PPP1R14C: variants seen among roughly 807,000 people sequenced by gnomAD.
The protein encoded by PPP1R14C is protein phosphatase 1 regulatory inhibitor subunit 14C.
A neutral mutation model predicts 20.4 loss-of-function variants in PPP1R14C; 16 were observed. The observed-to-expected ratio is 0.78, with a 90% CI of 0.53 to 1.19. PPP1R14C has a LOEUF of 1.19. Ranked by LOEUF, PPP1R14C falls within the 50% of genes most tolerant of loss-of-function variation. The pLI, the probability that PPP1R14C is intolerant of heterozygous loss-of-function variation, is 0.00. For missense variants in PPP1R14C, 211 were observed against 220.1 expected (o/e 0.96, Z 0.26); for synonymous variants, 91 against 91.0 (o/e 1.00, Z 0.00).
intron 3 of PPP1R14C, among the ~76,000 whole-genome samples, chr6:150,235,517 A>G (rs1340765730): frequency 6.6e-6 from 1 of 152,236 alleles, no homozygotes; most frequent in Non-Finnish European, 1.5e-5. Flanking sequence ...AATGAAGTTG[A>G]TAACTTAAAG....
intron 2 of PPP1R14C, among the ~76,000 whole-genome samples, chr6:150,216,362 G>A (rs1344354413): frequency 6.6e-6 from 1 of 152,142 alleles, no homozygotes; most frequent in Non-Finnish European, 1.5e-5. Flanking sequence ...CGGGTGTGGT[G>A]GTGCACACCT....
intron 3 of PPP1R14C, among the ~76,000 whole-genome samples, chr6:150,226,934 C>T (rs537349592): frequency 7.9e-5 from 12 of 152,266 alleles, no homozygotes; most frequent in Non-Finnish European, 1.6e-4. Context: ...GAGTAGAAAT[C>T]GAGCAGTGTT....
chr6:150,190,490 G>A (rs1224590073), intron 1 of PPP1R14C, among the ~76,000 whole-genome samples: 1 of 149,122 alleles, frequency 6.7e-6, no homozygotes, highest in Non-Finnish European at 1.5e-5. Context: ...GCAGTTGCAT[G>A]ATCTCAGCTC....
chr6:150,213,769 C>A (rs1778056220), intron 1 of PPP1R14C, among the ~76,000 whole-genome samples: 1 of 152,212 alleles, frequency 6.6e-6, no homozygotes, highest in Non-Finnish European at 1.5e-5. Flanking sequence ...TCAGTGGGGT[C>A]TTTCACCAAA....
At chr6:150,231,715 G>A (rs1295831133) in intron 3 of PPP1R14C, among the ~76,000 whole-genome samples, 1 of 152,186 alleles carries the variant, frequency 6.6e-6, no homozygotes, top group Admixed American at 6.5e-5. Flanking sequence ...TGTATGCATT[G>A]TAACTGTGTG....
chr6:150,222,765 C>CTTT (rs4038164), intron 3 of PPP1R14C, among the ~76,000 whole-genome samples: 12,321 of 71,108 alleles, frequency 0.17, 1,687 homozygotes, highest in African/African-American at 0.28. Context: ...TTCAAACTGG[C>CTTT]TTTTTTTTTT....
At chr6:150,174,983 T>G (rs1309815733) in intron 1 of PPP1R14C, among the ~76,000 whole-genome samples, 4 of 147,756 alleles carry the variant, frequency 2.7e-5, no homozygotes, top group Non-Finnish European at 6.0e-5. Context: ...AAAAAAAAAG[T>G]AGTGAAGAGG....
chr6:150,199,536 C>T (rs956947244), intron 1 of PPP1R14C, among the ~76,000 whole-genome samples: 1 of 152,114 alleles, frequency 6.6e-6, no homozygotes, highest in African/African-American at 2.4e-5. Flanking sequence ...CACAATAAAC[C>T]CACCAGCCTC....
chr6:150,154,527 T>C (rs771728087), intron 1 of PPP1R14C, among the ~76,000 whole-genome samples: 9 of 152,248 alleles, frequency 5.9e-5, no homozygotes, highest in Non-Finnish European at 1.0e-4. Flanking sequence ...AACCTTTAGA[T>C]GTTCTATGCT....
chr6:150,145,878 T>G (rs1777174824), intron 1 of PPP1R14C, among the ~76,000 whole-genome samples: 1 of 152,210 alleles, frequency 6.6e-6, no homozygotes, highest in African/African-American at 2.4e-5. Flanking sequence ...CATCTTTAAT[T>G]TCAGAAGAAC....
intron 3 of PPP1R14C, among the ~76,000 whole-genome samples, chr6:150,226,509 G>A (rs532464667): frequency 3.9e-5 from 6 of 152,012 alleles, no homozygotes; most frequent in African/African-American, 1.5e-4. Flanking sequence ...CCAATTTTGG[G>A]ATTACAAAAT....
rs977592260 is a variant in PPP1R14C at position 150,201,342 on chromosome 6, G to A, written c.307-13402G>A. 2.0e-5 allele frequency among the ~76,000 whole-genome samples: 3 copies of A among 152,200 alleles called. No individual in the cohort carries two copies. Among genetic ancestry groups the A allele is most frequent in the Admixed American group, 6.5e-5 (1 of 15,274 alleles). ...CATTCTAAGTTTCCAGGGCTGGGAG[G>A]TTGACCTCATCACAAGTCTGGCGAA... On this transcript the variant is annotated intron_variant, in intron 1 of 3. Coordinates refer to ENST00000361131, the MANE Select transcript of PPP1R14C (RefSeq NM_030949.3). The surrounding 1 kb of genome is among the most constrained non-coding windows in gnomAD (Gnocchi z 4.2).
chr6:150,150,547 A>G (rs533643207), intron 1 of PPP1R14C, among the ~76,000 whole-genome samples: 2 of 152,248 alleles, frequency 1.3e-5, no homozygotes, highest in South Asian at 2.1e-4. Context: ...CTCTGTCAAG[A>G]AGTCTCTTTC....
chr6:150,214,608 C>T, intron 1 of PPP1R14C, 136 bp from the exon 2 acceptor site: 1 of 614,892 alleles, frequency 1.6e-6, no homozygotes, highest in Non-Finnish European at 2.9e-6. Flanking sequence ...TCCCCCTAGC[C>T]TCTCCTTCCC....
chr6:150,242,129 A>ACAAC (rs1554221826), intron 3 of PPP1R14C, among the ~76,000 whole-genome samples: 1 of 151,924 alleles, frequency 6.6e-6, no homozygotes, highest in African/African-American at 2.4e-5. Flanking sequence ...AAACAAAACA[A>ACAAC]AACAACAACA....
rs1219605892 is a variant in PPP1R14C at position 150,143,868 on chromosome 6, T to C, written c.306+370T>C. On this transcript the variant is annotated intron_variant, in intron 1 of 3. Transcript: ENST00000361131. This position sits in a 1 kb window ranked among gnomAD's most constrained non-coding sequence, Gnocchi z 5.6. ...CACTCCAGCTGCGCCTCAGCAGCGGTTGGGGATACAGCAGCCAAAGAGAGC... is the reference window on the plus strand; with the variant it reads ...CACTCCAGCTGCGCCTCAGCAGCGGCTGGGGATACAGCAGCCAAAGAGAGC... Among the ~76,000 whole-genome samples, 1 of 152,124 alleles carries C rather than the reference T, an allele frequency of 6.6e-6. No individual in the cohort carries two copies. The highest frequency in any genetic ancestry group is 1.5e-5 in the Non-Finnish European group (1 of 68,022).
chr6:150,222,074 C>G (rs1466279840), intron 3 of PPP1R14C, among the ~76,000 whole-genome samples: 1 of 150,454 alleles, frequency 6.6e-6, no homozygotes, highest in South Asian at 2.1e-4. Flanking sequence ...GCTGGGATTA[C>G]AGGTATGAGC....
chr6:150,248,719 A>G (rs1010511096), intron 3 of PPP1R14C, 27 bp from the exon 4 acceptor site: 1 of 1,484,162 alleles, frequency 6.7e-7, no homozygotes, highest in Non-Finnish European at 9.4e-7. Flanking sequence ...AGTGACCCTC[A>G]TATTAACTTC....
intron 3 of PPP1R14C, among the ~76,000 whole-genome samples, chr6:150,220,156 A>T (rs1450845976): frequency 6.6e-6 from 1 of 152,208 alleles, no homozygotes. Flanking sequence ...CGCCCGGCCA[A>T]GACTGTTTGG....
Sources: allele counts gnomAD v4.1 joint callset (sites outside exome capture counted in the v4.1 genomes callset), GRCh38; gene constraint gnomAD v4.1.1; non-coding constraint Gnocchi (gnomAD v3.1); transcripts MANE v1.5; gene names NCBI Gene and HGNC (gene_info 2026-07-23, HGNC 2026-07-21).